Variants in RTN1 observed in about 807,000 individuals in gnomAD.
RTN1 encodes reticulon-1.
In RTN1, 25 loss-of-function variants were observed where a neutral mutation model predicts 65.5. That is an observed-to-expected ratio of 0.38 (90% CI 0.28 to 0.53). The LOEUF (loss-of-function observed/expected upper bound fraction) is 0.53, where lower values mean the gene tolerates loss of function less well. Ranked by LOEUF, RTN1 falls within the 20% of genes least tolerant of loss-of-function variation. The pLI, the probability that RTN1 is intolerant of heterozygous loss-of-function variation, is 0.79. For missense variants in RTN1, 983 were observed against 1,025.4 expected, an observed-to-expected ratio of 0.96 and a Z score of 0.57; for synonymous variants, 471 against 447.6, an observed-to-expected ratio of 1.05 and a Z score of -0.66.
intron 3 of RTN1, among the ~76,000 whole-genome samples, chr14:59,656,253 T>A (rs1883120729): frequency 6.6e-6 from 1 of 151,600 alleles, no homozygotes; most frequent in African/African-American, 2.4e-5. Context: ...TTACAGGGTT[T>A]CTTTGGGGGG....
intron 3 of RTN1, among the ~76,000 whole-genome samples, chr14:59,696,139 C>T (rs1291041223): frequency 1.3e-5 from 2 of 152,136 alleles, no homozygotes; most frequent in Non-Finnish European, 2.9e-5. Context: ...AAGTCTTAAA[C>T]CTCTCTATTG....
intron 3 of RTN1, among the ~76,000 whole-genome samples, chr14:59,642,174 C>T (rs1178442560): frequency 6.6e-6 from 1 of 152,162 alleles, no homozygotes; most frequent in Non-Finnish European, 1.5e-5. Context: ...CCACCAACAT[C>T]TAGACTTAAT....
intron 3 of RTN1, among the ~76,000 whole-genome samples, chr14:59,611,739 A>T (rs1382514725): frequency 6.6e-6 from 1 of 152,094 alleles, no homozygotes; most frequent in Non-Finnish European, 1.5e-5. Context: ...GATTTCGAGG[A>T]GGTTTCTCAG....
At chr14:59,715,159 G>A (rs1447218153) in intron 3 of RTN1, among the ~76,000 whole-genome samples, 1 of 152,204 alleles carries the variant, frequency 6.6e-6, no homozygotes, top group Non-Finnish European at 1.5e-5. Context: ...TACAGTGGGA[G>A]AGACAAAACT....
At chr14:59,854,299 T>A (rs1016079630) in intron 1 of RTN1, among the ~76,000 whole-genome samples, 2 of 152,178 alleles carry the variant, frequency 1.3e-5, no homozygotes, top group Non-Finnish European at 2.9e-5. Context: ...TAGGTTTTCA[T>A]GCAAGCTAAT....
At chr14:59,814,632 A>G (rs955972835) in intron 1 of RTN1, among the ~76,000 whole-genome samples, 1 of 152,260 alleles carries the variant, frequency 6.6e-6, no homozygotes, top group Non-Finnish European at 1.5e-5. Context: ...TCAACAAAAC[A>G]GATTGGTGCC....
intron 3 of RTN1, among the ~76,000 whole-genome samples, chr14:59,643,468 T>C (rs748189746): frequency 1.3e-5 from 2 of 152,190 alleles, no homozygotes; most frequent in African/African-American, 2.4e-5. Flanking sequence ...CCCATCCGCG[T>C]TGGCCTCCCA....
At position 59,727,133 on chromosome 14, in the gene RTN1, G is replaced by T. The variant is rs751342932; in HGVS notation, c.1551C>A (p.Ala517=). The T allele has an allele frequency of 6.2e-7, 1 of 1,605,360 alleles. No individual in the cohort carries two copies. Among genetic ancestry groups the T allele is most frequent in the Admixed American group, 1.7e-5 (1 of 58,854 alleles). ...GGTAGTCGAGGAAGGAACCCGGCTCGGCCAGGCCCCGCCGGCTTGGCGCAC... is the reference window on the plus strand; with the variant it reads ...GGTAGTCGAGGAAGGAACCCGGCTCTGCCAGGCCCCGCCGGCTTGGCGCAC... ...EERAPSRRGL[A]EPGSFLDYPS... The change falls in exon 3 of 9, where the codon GCC becomes GCA. Residue 517 remains alanine, a synonymous_variant. Transcript: ENST00000267484. This position sits in a 1 kb window ranked among gnomAD's most constrained non-coding sequence, Gnocchi z 4.2.
chr14:59,725,309 G>A (rs79385942), intron 3 of RTN1, among the ~76,000 whole-genome samples: 3,220 of 152,226 alleles, frequency 0.021, 88 homozygotes, highest in African/African-American at 0.074. Context: ...CCGTGCACAC[G>A]GTGACTATCT....
chr14:59,837,045 A>ATATATATATAT (rs141708359), intron 1 of RTN1, among the ~76,000 whole-genome samples: 1 of 151,606 alleles, frequency 6.6e-6, no homozygotes, highest in African/African-American at 2.4e-5. Context: ...ATATATATAT[A>ATATATATATAT]AAAGGAGAAA....
At chr14:59,754,552 C>T (rs759281539) in intron 1 of RTN1, among the ~76,000 whole-genome samples, 1 of 152,106 alleles carries the variant, frequency 6.6e-6, no homozygotes, top group Non-Finnish European at 1.5e-5. Flanking sequence ...CTTAGAGCCT[C>T]GGTTAATCCA....
intron 1 of RTN1, among the ~76,000 whole-genome samples, chr14:59,844,471 C>T (rs1348469220): frequency 1.3e-5 from 2 of 152,228 alleles, no homozygotes; most frequent in Non-Finnish European, 2.9e-5. Flanking sequence ...ACAGAACCAA[C>T]AAGAGGTTCT....
At chr14:59,728,249 CTTTTTTTTTTTTTT>C (rs200434592) in intron 2 of RTN1, among the ~76,000 whole-genome samples, 36 of 124,138 alleles carry the variant, frequency 2.9e-4, no homozygotes, top group Admixed American at 4.8e-4. Context: ...GAATCAGTAT[CTTTTTTTTTTTTTT>C]TTTTTTTTTT....
intron 2 of RTN1, among the ~76,000 whole-genome samples, chr14:59,728,175 A>G (rs1357815172): frequency 6.6e-6 from 1 of 152,074 alleles, no homozygotes; most frequent in Non-Finnish European, 1.5e-5. Context: ...TCCTTTAGCA[A>G]GACAAAGCAG....
At position 59,814,362 on chromosome 14, in the gene RTN1, T is replaced by C. The variant is rs567438478; in HGVS notation, c.241+56028A>G. ...GTAGTAAAGTGAGCAAAAAGCTCAA[T>C]TGATAGATAGCTGATTGCATATTGG... On this transcript the variant is annotated intron_variant, in intron 1 of 8. Transcript: ENST00000267484. 4.1e-4 allele frequency among the ~76,000 whole-genome samples: 63 copies of C among 152,298 alleles called. 1 individual carries two copies. Among genetic ancestry groups the C allele is most frequent in the Non-Finnish European group, 7.9e-4 (54 of 68,012 alleles).
At position 59,819,434 on chromosome 14, in the gene RTN1, C is replaced by CA. The variant is rs1886893435; in HGVS notation, c.241+50955_241+50956insT. Among the ~76,000 whole-genome samples the CA allele has an allele frequency of 1.0e-4, 2 of 19,440 alleles. 1 individual carries two copies. Among genetic ancestry groups the CA allele is most frequent in the Non-Finnish European group, 4.5e-4 (2 of 4,432 alleles). 12.8% of individuals were successfully genotyped at this position (19,440 alleles called of 152,430 possible). On this transcript the variant is annotated intron_variant, in intron 1 of 8. Transcript: ENST00000267484. ...CCACCACCCCCCCCCCACCCCCCAC[C>CA]CCCCCCCCCCGGCCACAGCTAGACA...
intron 1 of RTN1, among the ~76,000 whole-genome samples, chr14:59,747,068 G>A (rs1885243692): frequency 6.6e-6 from 1 of 152,166 alleles, no homozygotes; most frequent in South Asian, 2.1e-4. Context: ...TCATTCCAAT[G>A]TCATATCACC....
At chr14:59,869,232 C>G (rs894148373) in intron 1 of RTN1, among the ~76,000 whole-genome samples, 3 of 151,978 alleles carry the variant, frequency 2.0e-5, no homozygotes, top group Non-Finnish European at 4.4e-5. Context: ...GAGAAGCTTA[C>G]GAAAAGGGGT....
At chr14:59,800,261 C>T (rs527596440) in intron 1 of RTN1, among the ~76,000 whole-genome samples, 1 of 152,336 alleles carries the variant, frequency 6.6e-6, no homozygotes, top group South Asian at 2.1e-4. Flanking sequence ...CAAACCCCCA[C>T]CCTAACAGCC....
Sources: allele counts gnomAD v4.1 joint callset (sites outside exome capture counted in the v4.1 genomes callset), GRCh38; gene constraint gnomAD v4.1.1; non-coding constraint Gnocchi (gnomAD v3.1); transcripts MANE v1.5; gene names NCBI Gene and HGNC (gene_info 2026-07-23, HGNC 2026-07-21).